Variants in FAM107A observed in about 807,000 individuals in gnomAD.
FAM107A encodes the protein actin-associated protein FAM107A.
A neutral mutation model predicts 13.7 loss-of-function variants in FAM107A; 19 were observed. That is an observed-to-expected ratio of 1.38 (90% CI 0.97 to 2.03). FAM107A has a LOEUF of 2.03. Ranked by LOEUF, FAM107A falls within the 30% of genes most tolerant of loss-of-function variation. The pLI is 0.00. For synonymous variants in FAM107A, 82 were observed against 74.5 expected (o/e 1.10, Z -0.52); for missense variants, 203 against 184.4 (o/e 1.10, Z -0.58).
At chr3:58,591,679 G>T (rs1251609864), upstream of FAM107A, among the ~76,000 whole-genome samples, 1 of 152,110 alleles carries the variant, frequency 6.6e-6, no homozygotes, top group South Asian at 2.1e-4. This position sits in a 1 kb window ranked among gnomAD's most constrained non-coding sequence, Gnocchi z 4.3. Flanking sequence ...CCTCAGGGAG[G>T]TGCCCCTCAA....
intron 1 of FAM107A, chr3:58,570,309 TAAA>T: frequency 1.2e-6 from 1 of 862,242 alleles, no homozygotes; most frequent in Non-Finnish European, 1.4e-6. Context: ...AATGCAGTGA[TAAA>T]AAGAAAGTAT....
upstream of FAM107A, among the ~76,000 whole-genome samples, chr3:58,591,779 G>C (rs144386932): frequency 1.2e-3 from 181 of 152,240 alleles, no homozygotes; most frequent in Admixed American, 4.0e-3. The surrounding 1 kb of genome is among the most constrained non-coding windows in gnomAD (Gnocchi z 4.3). Context: ...TCACCATACT[G>C]TACTCGCCTT....
intron 1 of FAM107A, among the ~76,000 whole-genome samples, chr3:58,598,268 A>G (rs2065723823): frequency 6.6e-6 from 1 of 152,220 alleles, no homozygotes; most frequent in Non-Finnish European, 1.5e-5. Flanking sequence ...TGTTTGGAGC[A>G]GGCGCCCAGC....
chr3:58,599,357 C>A (rs566059310), intron 1 of FAM107A, among the ~76,000 whole-genome samples: 26 of 152,300 alleles, frequency 1.7e-4, no homozygotes, highest in Admixed American at 7.2e-4. Flanking sequence ...AAATGCTAGA[C>A]CAGGAAGTAC....
In FAM107A at chr3:58,567,033, C is replaced by T. The variant is rs1016299486; in HGVS notation, c.327+175G>A. ...CTGAGGTTCAGGGAAGCCACTCGCCCTAAGGACCTAGCAAAGTGAATGGCA... is the reference window on the plus strand; with the variant it reads ...CTGAGGTTCAGGGAAGCCACTCGCCTTAAGGACCTAGCAAAGTGAATGGCA... On this transcript the variant is annotated intron_variant, in intron 3 of 3. Coordinates refer to ENST00000360997, the MANE Select transcript of FAM107A (RefSeq NM_001076778.3). 3 of 764,292 alleles carry T rather than the reference C, an allele frequency of 3.9e-6. No individual in the cohort carries two copies. The African/African-American group carries it at 5.2e-5, about 13-fold the overall frequency. The allele number at this position is 764,292 out of a possible 1,614,324, so 47.3% of individuals were successfully genotyped here.
chr3:58,592,548 C>T (rs925138735), intron 1 of FAM107A, among the ~76,000 whole-genome samples: 1 of 152,152 alleles, frequency 6.6e-6, no homozygotes, highest in African/African-American at 2.4e-5. Flanking sequence ...GACATAATTC[C>T]TCGGTTTGGC....
Position 58,618,720 on chromosome 3 carries a change from C to A in FAM107A, c.-70+8696G>T, listed in dbSNP as rs114464970. Among the ~76,000 whole-genome samples the A allele has an allele frequency of 3.8e-3, 572 of 152,332 alleles. 3 individuals carry two copies. Among genetic ancestry groups the A allele is most frequent in the African/African-American group, 0.013 (542 of 41,558 alleles). On this transcript the variant is annotated intron_variant, in intron 1 of 3. Coordinates refer to the FAM107A transcript ENST00000465970. ...GGTGCCCATCTTGGGCCCCCTGTGA[C>A]CTCTTCCTCTCTTGAGGTCTTAGAA...
intron 1 of FAM107A, among the ~76,000 whole-genome samples, chr3:58,616,156 G>T (rs1282831718): frequency 2.0e-5 from 3 of 152,126 alleles, no homozygotes; most frequent in Admixed American, 1.3e-4. Flanking sequence ...GAGAAGAGGG[G>T]ATCAGATTCA....
chr3:58,621,817 A>G (rs1231483491), intron 1 of FAM107A, among the ~76,000 whole-genome samples: 3 of 152,168 alleles, frequency 2.0e-5, no homozygotes, highest in Non-Finnish European at 2.9e-5. Context: ...TCAGGATGCA[A>G]TGTGCCTGGC....
In FAM107A at chr3:58,577,258, C is replaced by G. The variant is rs1359331767; in HGVS notation, c.-6+51G>C. Reference sequence around the variant, plus strand: ...GCCCTCCTTCCCTTCCACCTCCTCCCGAACGGCACCGCTCTCAACAGCAGA... The same window carrying G: ...GCCCTCCTTCCCTTCCACCTCCTCCGGAACGGCACCGCTCTCAACAGCAGA... On this transcript the variant is annotated intron_variant, in intron 1 of 3. Coordinates refer to ENST00000360997, the MANE Select transcript of FAM107A (RefSeq NM_001076778.3). The surrounding 1 kb of genome is among the most constrained non-coding windows in gnomAD (Gnocchi z 4.9). The G allele has an allele frequency of 2.1e-6, 2 of 937,070 alleles. No homozygotes were observed. The highest frequency in any genetic ancestry group is 1.8e-5 in the African/African-American group (1 of 56,114). 58.0% of individuals were successfully genotyped at this position (937,070 alleles called of 1,614,324 possible).
At chr3:58,595,598 C>A (rs929519188) in intron 1 of FAM107A, among the ~76,000 whole-genome samples, 7 of 152,186 alleles carry the variant, frequency 4.6e-5, no homozygotes, top group African/African-American at 1.7e-4. Flanking sequence ...CACCGCCTAT[C>A]CCAAACCTAT....
In FAM107A at chr3:58,566,382, C is replaced by T; in HGVS notation, c.*206G>A. On this transcript the variant is annotated 3_prime_UTR_variant, in exon 4 of 4. Transcript: ENST00000360997. ...GGTTATCCCTCTTGGAGCAGGAGGG[C>T]TGGGTGCTTGGAAGGAAAACCTAGG... The T allele has an allele frequency of 1.8e-6, 1 of 561,890 alleles. No individual in the cohort carries two copies. The highest frequency in any genetic ancestry group is 2.9e-5 in the East Asian group (1 of 34,682). The allele number at this position is 561,890 out of a possible 1,614,324, so 34.8% of individuals were successfully genotyped here. A position where few individuals can be genotyped will look rare whatever the true frequency, so the allele number is the denominator to read the frequency against.
At chr3:58,593,778 G>T (rs940256339) in intron 1 of FAM107A, among the ~76,000 whole-genome samples, 11 of 152,026 alleles carry the variant, frequency 7.2e-5, no homozygotes, top group African/African-American at 2.7e-4. Context: ...GCGCCCTACA[G>T]GTTGACTGGA....
chr3:58,583,981 G>C (rs561344092), intron 1 of FAM107A, among the ~76,000 whole-genome samples: 50 of 152,212 alleles, frequency 3.3e-4, no homozygotes, highest in Non-Finnish European at 6.3e-4. Flanking sequence ...AATGAAAAGA[G>C]CCTCTATTTT....
At position 58,617,702 on chromosome 3, in the gene FAM107A, C is replaced by T. The variant is rs1559487901; in HGVS notation, c.-70+9714G>A. The stretch of plus-strand genomic sequence containing the variant: ...GGCCCCTCTTGCACCACCTCCAAAC[C>T]CTTTCAAGATAGAAATTAAATTCTC... On this transcript the variant is annotated intron_variant, in intron 1 of 3. Transcript: ENST00000465970. The surrounding 1 kb of genome is among the most constrained non-coding windows in gnomAD (Gnocchi z 4.5). Among the ~76,000 whole-genome samples the T allele has an allele frequency of 6.6e-6, 1 of 152,128 alleles. No individual in the cohort carries two copies. Among genetic ancestry groups the T allele is most frequent in the Admixed American group, 6.5e-5 (1 of 15,268 alleles).
intron 1 of FAM107A, among the ~76,000 whole-genome samples, chr3:58,612,618 G>T (rs2065865291): frequency 6.6e-6 from 1 of 151,586 alleles, no homozygotes; most frequent in South Asian, 2.1e-4. Flanking sequence ...AGATGGAGGG[G>T]TGAAAATCTG....
chr3:58,618,169 G>T (rs1428225083), intron 1 of FAM107A, among the ~76,000 whole-genome samples: 1 of 152,222 alleles, frequency 6.6e-6, no homozygotes, highest in Non-Finnish European at 1.5e-5. Context: ...GGTAGGCCCA[G>T]GTTGGCTGTG....
chr3:58,611,090 G>A (rs1484211102), intron 1 of FAM107A, among the ~76,000 whole-genome samples: 1 of 152,188 alleles, frequency 6.6e-6, no homozygotes, highest in East Asian at 1.9e-4. Context: ...GTCACCTTGT[G>A]AAGAAAGTGC....
intron 1 of FAM107A, among the ~76,000 whole-genome samples, chr3:58,594,680 A>G (rs2065683666): frequency 1.3e-5 from 2 of 152,206 alleles, no homozygotes; most frequent in African/African-American, 2.4e-5. Context: ...GATGACACCA[A>G]CACTTCACTG....
Sources: gnomAD v4.1 joint callset for allele counts (sites outside exome capture counted in the v4.1 genomes callset) on GRCh38, gnomAD v4.1.1 for gene constraint, Gnocchi (gnomAD v3.1) non-coding constraint, MANE v1.5 for transcripts, NCBI Gene and HGNC (gene_info 2026-07-23, HGNC 2026-07-21) for gene names.